The following SCIN variants were observed in gnomAD, a reference collection of about 807,000 sequenced individuals.
SCIN encodes the protein adseverin.
A neutral mutation model predicts 91.8 loss-of-function variants in SCIN; 91 were observed. That is an observed-to-expected ratio of 0.99 (90% confidence interval 0.84 to 1.18). The LOEUF (loss-of-function observed/expected upper bound fraction) is 1.18, where lower values mean the gene tolerates loss of function less well. Ranked by LOEUF, SCIN falls within the 50% of genes most tolerant of loss-of-function variation. The pLI is 0.00. For synonymous variants in SCIN, 367 were observed against 312.6 expected (o/e 1.17, Z -1.84); for missense variants, 1,087 against 863.9 (o/e 1.26, Z -3.24).
rs537144509 is a variant in SCIN at position 12,653,936 on chromosome 7, T to C, written c.*1221T>C. On this transcript the variant is annotated 3_prime_UTR_variant, in exon 16 of 16. Coordinates refer to ENST00000297029, the MANE Select transcript of SCIN (RefSeq NM_001112706.3). This position sits in a 1 kb window ranked among gnomAD's most constrained non-coding sequence, Gnocchi z 4.1. ...TCTATTCTATTCTATTATTTCATTCTATTTTATTTCCAATATACCATTGTA... is the reference window on the plus strand; with the variant it reads ...TCTATTCTATTCTATTATTTCATTCCATTTTATTTCCAATATACCATTGTA... The C allele has an allele frequency of 2.6e-5, 4 of 152,326 alleles. No homozygotes were observed. In the South Asian group the frequency reaches 8.3e-4, roughly 32 times the overall value. 9.4% of individuals were successfully genotyped at this position (152,326 alleles called of 1,614,324 possible). A position where few individuals can be genotyped will look rare whatever the true frequency, so the allele number is the denominator to read the frequency against.
chr7:12,592,331 T>C (rs1782741974), intron 3 of SCIN, among the ~76,000 whole-genome samples: 1 of 152,094 alleles, frequency 6.6e-6, no homozygotes, highest in African/African-American at 2.4e-5. Context: ...GCCATCAGAC[T>C]TTTTAACAGG....
At chr7:12,645,699 G>A (rs1234987390) in intron 13 of SCIN, among the ~76,000 whole-genome samples, 1 of 152,102 alleles carries the variant, frequency 6.6e-6, no homozygotes, top group Non-Finnish European at 1.5e-5. Context: ...ATGTGTCCGT[G>A]TGTTCTCATC....
At position 12,652,589 on chromosome 7, in the gene SCIN, C is replaced by T. The variant is rs760808720; in HGVS notation, c.2022C>T (p.Ala674=). 9 of 1,610,830 alleles carry T rather than the reference C, an allele frequency of 5.6e-6. No homozygotes were observed. The Admixed American group carries it at 8.4e-5, about 15-fold the overall frequency. The change falls in exon 16 of 16, where the codon GCC becomes GCT. Residue 674 remains alanine, a splice_region_variant and synonymous_variant. Coordinates refer to ENST00000297029, the MANE Select transcript of SCIN (RefSeq NM_001112706.3). Reference sequence around the variant, plus strand: ...ATATGTCTTTACAACTTTTTTTAGCCAAAATGTACCTTGAGACAGACCCTT... The same window carrying T: ...ATATGTCTTTACAACTTTTTTTAGCTAAAATGTACCTTGAGACAGACCCTT... ...EVEKKESLKS[A]KMYLETDPSG... is the part of the protein sequence containing the mutation.
intron 3 of SCIN, among the ~76,000 whole-genome samples, chr7:12,598,399 C>T (rs1232533470): frequency 6.6e-6 from 1 of 151,764 alleles, no homozygotes; most frequent in Non-Finnish European, 1.5e-5. Context: ...AAGTGTTGGG[C>T]CGCACAGTTT....
intron 4 of SCIN, among the ~76,000 whole-genome samples, chr7:12,614,801 A>C (rs1401683101): frequency 6.6e-6 from 1 of 152,158 alleles, no homozygotes; most frequent in African/African-American, 2.4e-5. Flanking sequence ...TAGAAAGCAA[A>C]AGACTTCGAG....
intron 13 of SCIN, among the ~76,000 whole-genome samples, chr7:12,649,187 C>T: frequency 6.6e-6 from 1 of 152,126 alleles, no homozygotes; most frequent in East Asian, 1.9e-4. Flanking sequence ...TCTCAAAGTT[C>T]AGAATAATTT....
chr7:12,578,420 G>C (rs1224545958), intron 2 of SCIN, among the ~76,000 whole-genome samples: 1 of 151,996 alleles, frequency 6.6e-6, no homozygotes, highest in Non-Finnish European at 1.5e-5. Flanking sequence ...TGAAATGTGT[G>C]GTACAATATG....
chr7:12,629,543 A>G (rs1783600906), intron 9 of SCIN, among the ~76,000 whole-genome samples: 1 of 152,190 alleles, frequency 6.6e-6, no homozygotes. Flanking sequence ...AGCAAGTGTC[A>G]GGTACCATGG....
chr7:12,622,779 T>C (rs193133695), intron 4 of SCIN, 22 bp from the exon 5 acceptor site: 181 of 1,540,804 alleles, frequency 1.2e-4, no homozygotes, highest in Non-Finnish European at 1.5e-4. Context: ...TATCTTTGCA[T>C]CCACTGCTCA....
At chr7:12,571,591 C>T (rs1562590334) in intron 1 of SCIN, 2 of 468,346 alleles carry the variant, frequency 4.3e-6, no homozygotes, top group Non-Finnish European at 8.8e-6. Context: ...GACAAAAACT[C>T]CGCTTCATTC....
intron 10 of SCIN, among the ~76,000 whole-genome samples, chr7:12,636,725 G>A (rs1346639097): frequency 6.6e-6 from 1 of 152,126 alleles, no homozygotes; most frequent in Non-Finnish European, 1.5e-5. Flanking sequence ...GCGATTGCTA[G>A]CTTTGAGGAT....
chr7:12,617,732 TCAC>T (rs1783328236), intron 4 of SCIN, among the ~76,000 whole-genome samples: 1 of 152,076 alleles, frequency 6.6e-6, no homozygotes, highest in Non-Finnish European at 1.5e-5. Context: ...TTGAATCACA[TCAC>T]CAAAGCAGGC....
rs1014779279 is a variant in SCIN, at chr7:12,660,166, C to T, written c.*7451C>T. On this transcript the variant is annotated 3_prime_UTR_variant, in exon 16 of 16. Coordinates refer to ENST00000297029, the MANE Select transcript of SCIN (RefSeq NM_001112706.3). ...CCTGCACCCAGGTGAAATAAACAGC[C>T]TTGTTGCTAACCCAAAGCCTGTTTG... The T allele has an allele frequency of 1.3e-5, 2 of 152,974 alleles. No individual in the cohort carries two copies. The highest frequency in any genetic ancestry group is 6.5e-5 in the Admixed American group (1 of 15,286). 9.5% of individuals were successfully genotyped at this position (152,974 alleles called of 1,614,324 possible). A position where few individuals can be genotyped will look rare whatever the true frequency, so the allele number is the denominator to read the frequency against.
intron 10 of SCIN, among the ~76,000 whole-genome samples, chr7:12,637,606 A>T (rs552243345): frequency 6.6e-6 from 1 of 151,954 alleles, no homozygotes; most frequent in African/African-American, 2.4e-5. Context: ...GAGGGAAATC[A>T]TGGAGGAAGA....
intron 4 of SCIN, among the ~76,000 whole-genome samples, chr7:12,615,576 C>A (rs1264424875): frequency 6.6e-6 from 1 of 152,074 alleles, no homozygotes; most frequent in African/African-American, 2.4e-5. Flanking sequence ...TCAGGTATTT[C>A]TTTATAGCAG....
intron 3 of SCIN, among the ~76,000 whole-genome samples, chr7:12,601,989 G>A (rs377355456): frequency 4.6e-5 from 7 of 152,246 alleles, no homozygotes; most frequent in South Asian, 4.2e-4. Flanking sequence ...GGGGGAAGTC[G>A]GTAGAACATG....
At position 12,657,375 on chromosome 7, in the gene SCIN, C is replaced by T. The variant is rs1784181269; in HGVS notation, c.*4660C>T. 2 of 149,634 alleles carry T rather than the reference C, an allele frequency of 1.3e-5. No individual in the cohort carries two copies. Among genetic ancestry groups the T allele is most frequent in the Admixed American group, 6.7e-5 (1 of 14,996 alleles). 9.3% of individuals were successfully genotyped at this position (149,634 alleles called of 1,614,324 possible). A position where few individuals can be genotyped will look rare whatever the true frequency, so the allele number is the denominator to read the frequency against. On this transcript the variant is annotated 3_prime_UTR_variant, in exon 16 of 16. Transcript: ENST00000297029. ...GGGACTCTAGGTGCGTGCCACCACGCCCAGCTAATTCTTTGTAGAGATGGG... is the reference window on the plus strand; with the variant it reads ...GGGACTCTAGGTGCGTGCCACCACGTCCAGCTAATTCTTTGTAGAGATGGG...
chr7:12,633,530 A>G (rs764922821), intron 9 of SCIN, among the ~76,000 whole-genome samples: 23 of 152,220 alleles, frequency 1.5e-4, no homozygotes, highest in Non-Finnish European at 3.1e-4. Context: ...TAAGATGAGT[A>G]GAGAAGTATT....
intron 3 of SCIN, among the ~76,000 whole-genome samples, chr7:12,590,882 A>G (rs1255840576): frequency 6.6e-6 from 1 of 152,090 alleles, no homozygotes; most frequent in Admixed American, 6.6e-5. Flanking sequence ...GAGGAATGTG[A>G]TAGGCATATT....
Sources: gnomAD v4.1 joint callset for allele counts (sites outside exome capture counted in the v4.1 genomes callset) on GRCh38, gnomAD v4.1.1 for gene constraint, Gnocchi (gnomAD v3.1) non-coding constraint, MANE v1.5 for transcripts, NCBI Gene and HGNC (gene_info 2026-07-23, HGNC 2026-07-21) for gene names.